Variants in SYNE2 observed in about 807,000 individuals in gnomAD.
SYNE2 encodes the protein nesprin-2.
Under a neutral mutation model 856.3 loss-of-function variants are expected in SYNE2, and 431 were observed. The observed-to-expected ratio is 0.50, with a 90% CI of 0.47 to 0.55. The LOEUF (loss-of-function observed/expected upper bound fraction) is 0.55, where lower values mean the gene tolerates loss of function less well. Ranked by LOEUF, SYNE2 falls within the 20% of genes least tolerant of loss-of-function variation. The probability of loss-of-function intolerance (pLI) is 0.00; values close to 1 mark genes in which losing one functional copy is unlikely to be tolerated. For synonymous variants in SYNE2, 2,923 were observed against 2,872.3 expected (o/e 1.02, Z -0.56); for missense variants, 8,129 against 8,023.2 (o/e 1.01, Z -0.50).
chr14:64,158,936 C>G, intron 86 of SYNE2, 141 bp downstream of exon 86: 1 of 943,572 alleles, frequency 1.1e-6, no homozygotes, highest in Non-Finnish European at 1.6e-6. Flanking sequence ...AAAAGAATAA[C>G]TGGAAATTCC....
intron 71 of SYNE2, among the ~76,000 whole-genome samples, chr14:64,125,535 C>A (rs1595692843): frequency 6.6e-6 from 1 of 151,998 alleles, no homozygotes; most frequent in Non-Finnish European, 1.5e-5. Flanking sequence ...GGTTTTCAAC[C>A]CTGAGCAGAC....
chr14:63,928,093 G>C (rs2095694393), intron 2 of SYNE2, among the ~76,000 whole-genome samples: 1 of 151,998 alleles, frequency 6.6e-6, no homozygotes, highest in Non-Finnish European at 1.5e-5. Context: ...GGGCTGGGGG[G>C]CCAAGATGTA....
In SYNE2 at chr14:64,131,927, TG is replaced by T. The variant is rs1203224419; in HGVS notation, c.14341-337del. Reference sequence around the variant, plus strand: ...CTAGTGTTCAAAGACTGAGTTTTTTTGTTTTTTGTTTTTTTTTCCTTTTTGA... The same window carrying T: ...CTAGTGTTCAAAGACTGAGTTTTTTTTTTTTTGTTTTTTTTTCCTTTTTGA... On this transcript the variant is annotated intron_variant, in intron 76 of 115. Transcript: ENST00000555002. 2.6e-5 allele frequency among the ~76,000 whole-genome samples: 4 copies of T among 152,314 alleles called. No individual in the cohort carries two copies. The East Asian group carries it at 7.7e-4, about 29-fold the overall frequency.
At chr14:63,993,045 T>A (rs1049702906) in intron 21 of SYNE2, among the ~76,000 whole-genome samples, 1 of 152,218 alleles carries the variant, frequency 6.6e-6, no homozygotes, top group African/African-American at 2.4e-5. Flanking sequence ...CAGGTTTCTG[T>A]TCCTGTAGAG....
chr14:64,035,601 A>G (rs916095098), intron 45 of SYNE2, among the ~76,000 whole-genome samples: 1 of 151,668 alleles, frequency 6.6e-6, no homozygotes, highest in African/African-American at 2.4e-5. Context: ...GCTGAAAAAG[A>G]CCTTAGAAAT....
intron 61 of SYNE2, among the ~76,000 whole-genome samples, chr14:64,096,320 C>T (rs2097676737): frequency 6.6e-6 from 1 of 152,132 alleles, no homozygotes. Context: ...TATTAGGTGC[C>T]GGTAGTTTTA....
At chr14:63,772,669 G>A (rs1886960665) in intron 1 of SYNE2, among the ~76,000 whole-genome samples, 1 of 151,520 alleles carries the variant, frequency 6.6e-6, no homozygotes, top group Non-Finnish European at 1.5e-5. Context: ...CTTGAACCCG[G>A]GAGACAGAGG....
chr14:64,025,861 C>T (rs1417146230), intron 41 of SYNE2, among the ~76,000 whole-genome samples: 1 of 152,130 alleles, frequency 6.6e-6, no homozygotes, highest in African/African-American at 2.4e-5. Flanking sequence ...AAGGAAGTCT[C>T]AAGCTCCCTT....
intron 99 of SYNE2, among the ~76,000 whole-genome samples, chr14:64,195,772 C>G (rs1337284680): frequency 6.6e-6 from 1 of 152,200 alleles, no homozygotes; most frequent in Non-Finnish European, 1.5e-5. Context: ...TTTTCTGGAA[C>G]ACCAAACAAT....
intron 1 of SYNE2, among the ~76,000 whole-genome samples, chr14:63,803,537 A>G (rs1053140168): frequency 1.3e-5 from 2 of 152,198 alleles, no homozygotes; most frequent in Admixed American, 1.3e-4. Context: ...CCGGGGCAGC[A>G]GGGCTGGCCG....
intron 10 of SYNE2, 144 bp from the exon 11 acceptor site, chr14:63,967,565 A>G: frequency 1.3e-6 from 1 of 747,380 alleles, no homozygotes. Flanking sequence ...AAACCAGAGC[A>G]GAGAGAGGAT....
chr14:64,090,564 C>G (rs1235542445), intron 59 of SYNE2, among the ~76,000 whole-genome samples: 1 of 152,072 alleles, frequency 6.6e-6, no homozygotes, highest in Non-Finnish European at 1.5e-5. Flanking sequence ...TGCTCACTGC[C>G]TAGTGACAAT....
intron 39 of SYNE2, 36 bp downstream of exon 39, chr14:64,024,495 T>G: frequency 1.3e-6 from 2 of 1,585,338 alleles, no homozygotes; most frequent in Non-Finnish European, 1.7e-6. Context: ...TAACATGTTT[T>G]CTAACCATAT....
chr14:63,970,223 C>G (rs752888810), intron 11 of SYNE2, among the ~76,000 whole-genome samples: 17 of 152,048 alleles, frequency 1.1e-4, no homozygotes, highest in Non-Finnish European at 1.9e-4. Flanking sequence ...GAATCTCACT[C>G]TGTTGTCCAG....
intron 1 of SYNE2, among the ~76,000 whole-genome samples, chr14:63,790,368 A>G (rs573907025): frequency 6.6e-6 from 1 of 152,116 alleles, no homozygotes; most frequent in South Asian, 2.1e-4. Flanking sequence ...GAAGAAAAGA[A>G]AGAAGGAAGG....
At chr14:63,779,364 A>G (rs1472906604) in intron 1 of SYNE2, among the ~76,000 whole-genome samples, 2 of 150,716 alleles carry the variant, frequency 1.3e-5, no homozygotes, top group Non-Finnish European at 2.9e-5. Flanking sequence ...AAATAAAATC[A>G]GTAATCTAAA....
intron 54 of SYNE2, among the ~76,000 whole-genome samples, chr14:64,077,792 T>A (rs1425360107): frequency 1.3e-5 from 2 of 152,214 alleles, no homozygotes; most frequent in African/African-American, 4.8e-5. Context: ...CATTCATTTA[T>A]TATCTTTCCT....
At chr14:63,840,264 C>T (rs1890005626) in intron 1 of SYNE2, among the ~76,000 whole-genome samples, 4 of 151,590 alleles carry the variant, frequency 2.6e-5, no homozygotes, top group Admixed American at 2.6e-4. Flanking sequence ...GAGCAAGACC[C>T]TGTCTCAAAA....
chr14:63,897,188 G>A (rs2153302806), intron 1 of SYNE2, among the ~76,000 whole-genome samples: 1 of 152,286 alleles, frequency 6.6e-6, no homozygotes, highest in South Asian at 2.1e-4. Flanking sequence ...GGGAGGTGGA[G>A]ATTGCAGTGA....
Sources: gnomAD v4.1 joint callset for allele counts (sites outside exome capture counted in the v4.1 genomes callset) on GRCh38, gnomAD v4.1.1 for gene constraint, MANE v1.5 for transcripts, NCBI Gene and HGNC (gene_info 2026-07-23, HGNC 2026-07-21) for gene names.